The following RASL10B variants were observed in gnomAD, a reference collection of about 807,000 sequenced individuals.
RASL10B encodes the protein ras-like protein family member 10B.
In RASL10B, 10 loss-of-function variants were observed where a neutral mutation model predicts 20.7. The ratio of observed to expected loss-of-function variants is 0.48; its 90% CI spans 0.30 to 0.82. RASL10B has a LOEUF of 0.82. Among genes scored for constraint, RASL10B ranks in the 40% least tolerant of loss-of-function variants. The pLI is 0.07. For synonymous variants in RASL10B, 110 were observed against 123.3 expected, an observed-to-expected ratio of 0.89 and a Z score of 0.72; for missense variants, 231 against 295.4, an observed-to-expected ratio of 0.78 and a Z score of 1.60.
chr17:35,738,916 T>C (rs757728732), intron 2 of RASL10B, among the ~76,000 whole-genome samples: 5 of 152,148 alleles, frequency 3.3e-5, no homozygotes, highest in South Asian at 2.1e-4. Flanking sequence ...CTGATCTCCA[T>C]TGGTCTTGGG....
In RASL10B at chr17:35,741,022, C is replaced by T; in HGVS notation, c.342-13C>T. ...GGCTGACAGAGTTCTGAGCTGCCTG[C>T]CTCGCCCCACAGGGTGATCGGAACC... On this transcript the variant is annotated splice_polypyrimidine_tract_variant and intron_variant, in intron 3 of 3. Transcript: ENST00000603017. 1.3e-6 allele frequency: 2 copies of T among 1,579,438 alleles called. No homozygotes were observed. The highest frequency in any genetic ancestry group is 1.7e-6 in the Non-Finnish European group (2 of 1,157,396).
At chr17:35,732,784 T>G (rs587697895) in intron 1 of RASL10B, among the ~76,000 whole-genome samples, 1 of 152,144 alleles carries the variant, frequency 6.6e-6, no homozygotes, top group Non-Finnish European at 1.5e-5. Context: ...AGGACTCTTC[T>G]TGGCGTTCCT....
intron 2 of RASL10B, among the ~76,000 whole-genome samples, chr17:35,739,507 C>T (rs1396970774): frequency 6.6e-6 from 1 of 152,230 alleles, no homozygotes; most frequent in Non-Finnish European, 1.5e-5. Flanking sequence ...GGAGTCTCTT[C>T]ACCTTGAGCT....
chr17:35,740,093 TGTACTTGTTGAACAAAG>T (rs2143020287), intron 2 of RASL10B, among the ~76,000 whole-genome samples: 1 of 152,252 alleles, frequency 6.6e-6, no homozygotes, highest in Non-Finnish European at 1.5e-5. Flanking sequence ...ACTTAATAAA[TGTACTTGTTGAACAAAG>T]GCCTCGATGG....
chr17:35,733,899 C>A (rs2085574265), intron 1 of RASL10B, among the ~76,000 whole-genome samples: 1 of 152,248 alleles, frequency 6.6e-6, no homozygotes, highest in Non-Finnish European at 1.5e-5. Context: ...AAACCCCTAG[C>A]AGCCCTTTTC....
At position 35,735,965 on chromosome 17, in the gene RASL10B, C is replaced by T. The variant is rs587701332; in HGVS notation, c.216+565C>T. Among the ~76,000 whole-genome samples the T allele has an allele frequency of 3.9e-5, 6 of 152,314 alleles. No individual in the cohort carries two copies. The East Asian group carries it at 1.2e-3, about 29-fold the overall frequency. ...CTCTGGAGAAGGGACAGCAGCAGAA[C>T]AGACGGGGCCCTGGGAAAGGTGTGT... On this transcript the variant is annotated intron_variant, in intron 2 of 3. Coordinates refer to ENST00000603017, the MANE Select transcript of RASL10B (RefSeq NM_033315.4). The surrounding 1 kb of genome is among the most constrained non-coding windows in gnomAD (Gnocchi z 6.7).
chr17:35,736,439 A>G (rs2085592381), intron 2 of RASL10B, among the ~76,000 whole-genome samples: 1 of 152,224 alleles, frequency 6.6e-6, no homozygotes, highest in Admixed American at 6.5e-5. Flanking sequence ...AACACCAGGC[A>G]GGAGGGCCCT....
intron 1 of RASL10B, among the ~76,000 whole-genome samples, chr17:35,733,800 T>G (rs587627178): frequency 1.3e-4 from 20 of 152,360 alleles, no homozygotes; most frequent in African/African-American, 4.6e-4. Context: ...TTTACCTATG[T>G]GCAGAAGCAT....
At chr17:35,739,486 T>C (rs2085614795) in intron 2 of RASL10B, among the ~76,000 whole-genome samples, 1 of 152,170 alleles carries the variant, frequency 6.6e-6, no homozygotes, top group Admixed American at 6.5e-5. Flanking sequence ...TTAGTGTACT[T>C]GGCCTTTCTA....
intron 1 of RASL10B, among the ~76,000 whole-genome samples, chr17:35,732,586 C>T (rs1555596513): frequency 6.6e-6 from 1 of 152,206 alleles, no homozygotes; most frequent in Non-Finnish European, 1.5e-5. Flanking sequence ...CTGATGAGTT[C>T]CAGGAGGCTG....
rs1555597076 is a variant in RASL10B, at chr17:35,735,420, C to T, written c.216+20C>T. 1.2e-6 allele frequency: 2 copies of T among 1,610,912 alleles called. No homozygotes were observed. Among genetic ancestry groups the T allele is most frequent in the Admixed American group, 1.7e-5 (1 of 60,000 alleles). ...CTCCAGGTAGGAGGACCCTGGGGGG[C>T]ATGGGTTAGTGGGGAAACGGATGGG... On this transcript the variant is annotated intron_variant, in intron 2 of 3. Transcript: ENST00000603017. The surrounding 1 kb of genome is among the most constrained non-coding windows in gnomAD (Gnocchi z 6.7).
chr17:35,732,138 C>T (rs1358943453), intron 1 of RASL10B, among the ~76,000 whole-genome samples: 1 of 152,120 alleles, frequency 6.6e-6, no homozygotes, highest in Admixed American at 6.5e-5. Flanking sequence ...TCCTACCAAT[C>T]AGGTCATGGG....
intron 1 of RASL10B, 101 bp downstream of exon 1, chr17:35,731,979 C>T (rs1378866701): frequency 1.0e-5 from 1 of 98,032 alleles, no homozygotes; most frequent in East Asian, 3.0e-4. Context: ...ACGGCCTGGG[C>T]GAGGGGCGTC....
chr17:35,741,409 C>T lies in RASL10B; in HGVS notation c.*104C>T, dbSNP rs1555597974. 2 of 1,355,540 alleles carry T rather than the reference C, an allele frequency of 1.5e-6. No homozygotes were observed. Among genetic ancestry groups the T allele is most frequent in the Non-Finnish European group, 1.9e-6 (2 of 1,057,072 alleles). 84.0% of individuals were successfully genotyped at this position (1,355,540 alleles called of 1,614,324 possible). A position where few individuals can be genotyped will look rare whatever the true frequency, so the allele number is the denominator to read the frequency against. ...GGGCGGGAAATGGAACTGTGACGGT[C>T]CCGGCCTGAGGCCCCTGCAGCCACG... is the stretch of plus-strand genomic sequence containing the variant. On this transcript the variant is annotated 3_prime_UTR_variant, in exon 4 of 4. Coordinates refer to ENST00000603017, the MANE Select transcript of RASL10B (RefSeq NM_033315.4).
rs782514194 is a variant in RASL10B at position 35,741,125 on chromosome 17, G to A, written c.432G>A (p.Ser144=). The A allele has an allele frequency of 4.3e-6, 7 of 1,613,478 alleles. No homozygotes were observed. In the South Asian group the frequency reaches 7.7e-5, roughly 18 times the overall value. Residue 144 remains serine, a synonymous_variant, in exon 4 of 4, where the codon TCG becomes TCA. Coordinates refer to ENST00000603017, the MANE Select transcript of RASL10B (RefSeq NM_033315.4). ...RGRVIPRWNV[S]HLVRKTWKCG... ...GCGTGATCCCGCGCTGGAACGTGTC[G>A]CACCTGGTACGCAAGACCTGGAAGT...
At position 35,742,465 on chromosome 17, in the gene RASL10B, G is replaced by A. The variant is rs1182029380; in HGVS notation, c.*1160G>A. On this transcript the variant is annotated 3_prime_UTR_variant, in exon 4 of 4. Coordinates refer to ENST00000603017, the MANE Select transcript of RASL10B (RefSeq NM_033315.4). The stretch of plus-strand genomic sequence containing the variant: ...TCCTGCCACAGATGGAGGCCCTCAG[G>A]ATCTGACACCCTCTTGTCCCAACAC... The A allele has an allele frequency of 6.6e-6, 1 of 152,650 alleles. No homozygotes were observed. The highest frequency in any genetic ancestry group is 1.5e-5 in the Non-Finnish European group (1 of 68,120). The allele number at this position is 152,650 out of a possible 1,614,324, so 9.5% of individuals were successfully genotyped here.
chr17:35,741,575 C>T lies in RASL10B; in HGVS notation c.*270C>T. ...CCCGGCCCGACCCGCGGGGGTGCCACAGCCTTTTGGGATGGGGGTGAGCGT... is the reference window on the plus strand; with the variant it reads ...CCCGGCCCGACCCGCGGGGGTGCCATAGCCTTTTGGGATGGGGGTGAGCGT... On this transcript the variant is annotated 3_prime_UTR_variant, in exon 4 of 4. Coordinates refer to ENST00000603017, the MANE Select transcript of RASL10B (RefSeq NM_033315.4). The T allele has an allele frequency of 2.4e-6, 1 of 419,934 alleles. No individual in the cohort carries two copies. Among genetic ancestry groups the T allele is most frequent in the Non-Finnish European group, 4.0e-6 (1 of 246,946 alleles). The allele number at this position is 419,934 out of a possible 1,614,324, so 26.0% of individuals were successfully genotyped here. A position where few individuals can be genotyped will look rare whatever the true frequency, so the allele number is the denominator to read the frequency against.
At chr17:35,740,008 G>A (rs2085619495) in intron 2 of RASL10B, among the ~76,000 whole-genome samples, 1 of 152,208 alleles carries the variant, frequency 6.6e-6, no homozygotes, top group Admixed American at 6.5e-5. Context: ...TGGAGGTGGT[G>A]GCACTTTAGC....
At chr17:35,739,809 CAG>C (rs781979253) in intron 2 of RASL10B, among the ~76,000 whole-genome samples, 11 of 152,198 alleles carry the variant, frequency 7.2e-5, no homozygotes, top group Non-Finnish European at 1.5e-4. Context: ...GCTAGACACT[CAG>C]GGAGGAAGAG....
Sources: gnomAD v4.1 joint callset for allele counts (sites outside exome capture counted in the v4.1 genomes callset) on GRCh38, gnomAD v4.1.1 for gene constraint, Gnocchi (gnomAD v3.1) non-coding constraint, MANE v1.5 for transcripts, NCBI Gene and HGNC (gene_info 2026-07-23, HGNC 2026-07-21) for gene names.